Variants in LARP1B observed in about 807,000 individuals in gnomAD.
The protein encoded by LARP1B is La ribonucleoprotein 1B, also known as la-related protein 1B.
Under a neutral mutation model 114.2 loss-of-function variants are expected in LARP1B, and 76 were observed. That is an observed-to-expected ratio of 0.67 (90% CI 0.55 to 0.81). The LOEUF is 0.81. LARP1B is among the 30% of genes least tolerant of loss of function. The pLI is 0.00. For missense variants in LARP1B, 1,014 were observed against 1,075.8 expected, an observed-to-expected ratio of 0.94 and a Z score of 0.80; for synonymous variants, 345 against 348.0, an observed-to-expected ratio of 0.99 and a Z score of 0.10.
chr4:128,179,822 G>A (rs1027220637), intron 15 of LARP1B, among the ~76,000 whole-genome samples: 3 of 152,028 alleles, frequency 2.0e-5, no homozygotes, highest in African/African-American at 7.2e-5. Context: ...CATTTAATAG[G>A]TTCTTAGTAG....
At position 128,210,030 on chromosome 4, in the gene LARP1B, G is replaced by A; in HGVS notation, c.2722G>A (p.Glu908Lys). ...INSPRRNISP[E>K]SSDNSH ...CTCTCCCAGAAGGAATATTTCACCG[G>A]AGTCCAGTGACAATTCACATTAAAC... Residue 908 changes from glutamate to lysine, a missense_variant, in exon 20 of 20, where the codon GAG becomes AAG. By Grantham distance (56) the Glu-to-Lys change is moderately conservative. Coordinates refer to ENST00000326639, the MANE Select transcript of LARP1B (RefSeq NM_018078.4). The A allele has an allele frequency of 6.2e-7, 1 of 1,613,992 alleles. No individual in the cohort carries two copies. Among genetic ancestry groups the A allele is most frequent in the Non-Finnish European group, 8.5e-7 (1 of 1,179,946 alleles).
intron 10 of LARP1B, among the ~76,000 whole-genome samples, chr4:128,119,660 G>C (rs947255622): frequency 6.6e-6 from 1 of 152,146 alleles, no homozygotes; most frequent in Admixed American, 6.5e-5. Context: ...AACCCTGGCG[G>C]GATCAATGGC....
chr4:128,123,272 C>A (rs936319237), intron 11 of LARP1B: 1 of 985,296 alleles, frequency 1.0e-6, no homozygotes, highest in Non-Finnish European at 1.2e-6. Context: ...TAGCAGTTCT[C>A]TGCCTGTCCT....
intron 11 of LARP1B, chr4:128,123,366 A>G (rs1040507665): frequency 1.0e-6 from 1 of 984,046 alleles, no homozygotes; most frequent in Non-Finnish European, 1.2e-6. Flanking sequence ...TTTTATTTGT[A>G]ATACTTAGGT....
At chr4:128,105,185 T>TA (rs1262149113) in intron 8 of LARP1B, among the ~76,000 whole-genome samples, 1 of 152,218 alleles carries the variant, frequency 6.6e-6, no homozygotes, top group Non-Finnish European at 1.5e-5. Flanking sequence ...AGGCAAGATG[T>TA]AGAATACTTT....
intron 1 of LARP1B, among the ~76,000 whole-genome samples, chr4:128,063,409 C>T (rs1373166429): frequency 1.9e-5 from 2 of 104,540 alleles, no homozygotes; most frequent in Non-Finnish European, 3.4e-5. Flanking sequence ...GCCTGGTCGG[C>T]AGAGTGAGAC....
In LARP1B at chr4:128,105,065, A is replaced by T. The variant is rs1447387543; in HGVS notation, c.814-2074A>T. ...TTAAACATATGGGAAAGTTTCAAGG[A>T]GTTTTTTTTTTGTTTTTTTTTTACA... On this transcript the variant is annotated intron_variant, in intron 8 of 19. Coordinates refer to ENST00000326639, the MANE Select transcript of LARP1B (RefSeq NM_018078.4). Among the ~76,000 whole-genome samples, 11 of 110,320 alleles carry T rather than the reference A, an allele frequency of 1.0e-4. No homozygotes were observed. In the South Asian group the frequency reaches 4.0e-3, roughly 40 times the overall value. The allele number at this position is 110,320 out of a possible 152,430, so 72.4% of individuals were successfully genotyped here. A position where few individuals can be genotyped will look rare whatever the true frequency, so the allele number is the denominator to read the frequency against.
At chr4:128,216,649 G>T (rs1244835676), downstream of LARP1B, among the ~76,000 whole-genome samples, 1 of 149,072 alleles carries the variant, frequency 6.7e-6, no homozygotes, top group Admixed American at 6.7e-5. Flanking sequence ...AAAGCAGTGT[G>T]TAGAGGGAAA....
At chr4:128,067,690 A>C (rs1249487790) in intron 1 of LARP1B, among the ~76,000 whole-genome samples, 3 of 148,676 alleles carry the variant, frequency 2.0e-5, no homozygotes, top group African/African-American at 5.0e-5. Context: ...ACTTGGTATT[A>C]GTTTTATTTT....
rs1758781478 is a variant in LARP1B at position 128,210,459 on chromosome 4, T to A, written c.*406T>A. ...AAAGAAGATATAGTATGTTGTATTC[T>A]CTTCTTAGAGCTTTCTTAAAGAATC... On this transcript the variant is annotated 3_prime_UTR_variant, in exon 20 of 20. Coordinates refer to ENST00000326639, the MANE Select transcript of LARP1B (RefSeq NM_018078.4). The A allele has an allele frequency of 1.0e-6, 1 of 1,002,630 alleles. No homozygotes were observed. Among genetic ancestry groups the A allele is most frequent in the African/African-American group, 1.7e-5 (1 of 57,614 alleles). The allele number at this position is 1,002,630 out of a possible 1,614,324, so 62.1% of individuals were successfully genotyped here.
At chr4:128,118,712 T>G (rs1424469956) in intron 10 of LARP1B, among the ~76,000 whole-genome samples, 1 of 152,102 alleles carries the variant, frequency 6.6e-6, no homozygotes, top group Non-Finnish European at 1.5e-5. Flanking sequence ...TCTGATATTT[T>G]CATTATTTCC....
chr4:128,210,675 G>A lies in LARP1B; in HGVS notation c.*622G>A. The A allele has an allele frequency of 2.0e-6, 2 of 976,690 alleles. No homozygotes were observed. Among genetic ancestry groups the A allele is most frequent in the Non-Finnish European group, 2.4e-6 (2 of 822,028 alleles). 60.5% of individuals were successfully genotyped at this position (976,690 alleles called of 1,614,324 possible). ...TATAGTAAGATTGTAGTTACAATGA[G>A]TATATGCACTTTTGATGCTAGGTTT... is the stretch of plus-strand genomic sequence containing the variant. On this transcript the variant is annotated 3_prime_UTR_variant, in exon 20 of 20. Transcript: ENST00000326639.
intron 16 of LARP1B, 136 bp downstream of exon 16, chr4:128,199,735 G>T: frequency 7.5e-6 from 3 of 397,962 alleles, no homozygotes; most frequent in Non-Finnish European, 1.3e-5. Context: ...CTTTAAACAT[G>T]TTTACATATA....
chr4:128,062,177 A>C, intron 1 of LARP1B: 2 of 985,328 alleles, frequency 2.0e-6, no homozygotes, highest in Non-Finnish European at 2.4e-6. Context: ...GTCCCCAGAC[A>C]CGACAGGTCC....
At chr4:128,157,577 A>AT (rs1736393147) in intron 11 of LARP1B, among the ~76,000 whole-genome samples, 1 of 152,200 alleles carries the variant, frequency 6.6e-6, no homozygotes, top group Admixed American at 6.5e-5. Flanking sequence ...CAAAAGCTGG[A>AT]TAAAAAGGAC....
At chr4:128,127,343 TAAC>T (rs1254319500) in intron 11 of LARP1B, among the ~76,000 whole-genome samples, 2 of 152,212 alleles carry the variant, frequency 1.3e-5, no homozygotes, top group African/African-American at 4.8e-5. Context: ...AGATTTACTA[TAAC>T]AACACAAACT....
intron 11 of LARP1B, among the ~76,000 whole-genome samples, chr4:128,130,960 C>T (rs1032181807): frequency 2.6e-5 from 4 of 152,110 alleles, no homozygotes; most frequent in Non-Finnish European, 5.9e-5. Context: ...ATTCCAACTA[C>T]GTGGCATTCT....
intron 15 of LARP1B, among the ~76,000 whole-genome samples, chr4:128,195,873 G>C (rs1477715736): frequency 1.3e-5 from 2 of 152,188 alleles, no homozygotes; most frequent in African/African-American, 4.8e-5. Context: ...CAAAGAAAGA[G>C]AGAAGATGCA....
At chr4:128,212,414 C>T (rs546936858), downstream of LARP1B, among the ~76,000 whole-genome samples, 13 of 151,990 alleles carry the variant, frequency 8.6e-5, no homozygotes, top group Admixed American at 2.6e-4. Context: ...GAGGCTGAGG[C>T]GGGTGGATCA....
Sources: allele counts gnomAD v4.1 joint callset (sites outside exome capture counted in the v4.1 genomes callset), GRCh38; gene constraint gnomAD v4.1.1; transcripts MANE v1.5; gene names NCBI Gene and HGNC (gene_info 2026-07-23, HGNC 2026-07-21).